The following NFIX variants were observed in gnomAD, a reference collection of about 807,000 sequenced individuals.
The protein encoded by NFIX is nuclear factor I X.
In NFIX, 2 loss-of-function variants were observed where a neutral mutation model predicts 53.3. The ratio of observed to expected loss-of-function variants is 0.04; its 90% CI spans 0.02 to 0.12. The LOEUF (loss-of-function observed/expected upper bound fraction) is 0.12, where lower values mean the gene tolerates loss of function less well. Ranked by LOEUF, NFIX falls within the 10% of genes least tolerant of loss-of-function variation. The probability of loss-of-function intolerance (pLI) is 1.00; values close to 1 mark genes in which losing one functional copy is unlikely to be tolerated. For synonymous variants in NFIX, 244 were observed against 289.0 expected (o/e 0.84, Z 1.58); for missense variants, 310 against 674.5 (o/e 0.46, Z 5.99).
At chr19:13,032,141 G>A (rs2013864242) in intron 2 of NFIX, among the ~76,000 whole-genome samples, 1 of 152,180 alleles carries the variant, frequency 6.6e-6, no homozygotes, top group South Asian at 2.1e-4. Flanking sequence ...GGGGAGGGGG[G>A]CAGGAGAGAA....
chr19:13,086,900 C>A (rs1021220448), intron 8 of NFIX, among the ~76,000 whole-genome samples: 10 of 152,250 alleles, frequency 6.6e-5, no homozygotes, highest in Non-Finnish European at 1.5e-5. Context: ...GGATGGGCTC[C>A]TCAGGGCTTG....
In NFIX at chr19:13,011,794, C is replaced by T. The variant is rs1222054367; in HGVS notation, c.28-13227C>T. 2.6e-5 allele frequency among the ~76,000 whole-genome samples: 4 copies of T among 152,162 alleles called. No individual in the cohort carries two copies. Among genetic ancestry groups the T allele is most frequent in the African/African-American group, 7.2e-5 (3 of 41,422 alleles). On this transcript the variant is annotated intron_variant, in intron 1 of 10. Transcript: ENST00000592199. This position sits in a 1 kb window ranked among gnomAD's most constrained non-coding sequence, Gnocchi z 6.5. ...GCGCCCCTCGACAGGTGCCCGTCGC[C>T]CACAGGCTCCTTTCATTGTAGCCTC...
At position 13,094,791 on chromosome 19, in the gene NFIX, C is replaced by T; in HGVS notation, c.*142C>T. 3 of 870,914 alleles carry T rather than the reference C, an allele frequency of 3.4e-6. No individual in the cohort carries two copies. The highest frequency in any genetic ancestry group is 5.3e-6 in the Non-Finnish European group (3 of 565,956). The allele number at this position is 870,914 out of a possible 1,614,324, so 53.9% of individuals were successfully genotyped here. A position where few individuals can be genotyped will look rare whatever the true frequency, so the allele number is the denominator to read the frequency against. On this transcript the variant is annotated 3_prime_UTR_variant, in exon 11 of 11. Transcript: ENST00000592199. The surrounding 1 kb of genome is among the most constrained non-coding windows in gnomAD (Gnocchi z 4.3). ...ATTACACGTCGTCAGCCACTCAGCC[C>T]TTCTCTCCTCCAGCCCGGGGACCCC...
intron 1 of NFIX, chr19:13,023,934 T>TC: frequency 2.0e-6 from 1 of 495,978 alleles, no homozygotes; most frequent in Non-Finnish European, 3.6e-6. Context: ...CCCCTGCTCC[T>TC]CCTCCTCCCC....
At position 13,043,178 on chromosome 19, in the gene NFIX, A is replaced by G. The variant is rs1191388837; in HGVS notation, c.559+17626A>G. Among the ~76,000 whole-genome samples the G allele has an allele frequency of 1.3e-5, 2 of 152,248 alleles. No individual in the cohort carries two copies. The highest frequency in any genetic ancestry group is 2.9e-5 in the Non-Finnish European group (2 of 68,042). On this transcript the variant is annotated intron_variant, in intron 2 of 10. Transcript: ENST00000592199. This position sits in a 1 kb window ranked among gnomAD's most constrained non-coding sequence, Gnocchi z 4.0. ...ATGGACACATGGTGTTACCCAGTGT[A>G]AAAGCTAATCATGGACATCAGCCCA...
In NFIX at chr19:13,088,147, G is replaced by A. The variant is rs1398189349; in HGVS notation, c.1402+11G>A. 27 of 1,536,300 alleles carry A rather than the reference G, an allele frequency of 1.8e-5. 1 individual carries two copies. Among genetic ancestry groups the A allele is most frequent in the South Asian group, 3.6e-5 (3 of 84,070 alleles). On this transcript the variant is annotated intron_variant, in intron 9 of 10. Coordinates refer to ENST00000592199, the MANE Select transcript of NFIX (RefSeq NM_001365902.3). The surrounding 1 kb of genome is among the most constrained non-coding windows in gnomAD (Gnocchi z 5.9). ...CTCCTCCATCACCTTGTAAGTGGAC[G>A]ATGAAACCGAAACCACAACGCCCAG... is the stretch of plus-strand genomic sequence containing the variant.
chr19:13,028,294 A>G lies in NFIX; in HGVS notation c.559+2742A>G, dbSNP rs2013528928. ...GGCCGGGATGGCACAGGCTCAGACA[A>G]GAGCTGCTTTGGACTCTGAAATAAG... On this transcript the variant is annotated intron_variant, in intron 2 of 10. Transcript: ENST00000592199. The surrounding 1 kb of genome is among the most constrained non-coding windows in gnomAD (Gnocchi z 4.2). Among the ~76,000 whole-genome samples, 1 of 152,236 alleles carries G rather than the reference A, an allele frequency of 6.6e-6. No individual in the cohort carries two copies. The highest frequency in any genetic ancestry group is 1.5e-5 in the Non-Finnish European group (1 of 68,042).
Position 13,098,084 on chromosome 19 carries a change from G to T in NFIX, c.*3435G>T. On this transcript the variant is annotated 3_prime_UTR_variant, in exon 11 of 11. Coordinates refer to ENST00000592199, the MANE Select transcript of NFIX (RefSeq NM_001365902.3). ...CCTTGTTCTCACCCCCGTGCTGGCGGAGCGGACGCCGCGCTCTGGGTCCCA... is the reference window on the plus strand; with the variant it reads ...CCTTGTTCTCACCCCCGTGCTGGCGTAGCGGACGCCGCGCTCTGGGTCCCA... The T allele has an allele frequency of 6.6e-6, 1 of 152,496 alleles. No individual in the cohort carries two copies. The highest frequency in any genetic ancestry group is 1.5e-5 in the Non-Finnish European group (1 of 68,278). The allele number at this position is 152,496 out of a possible 1,614,324, so 9.4% of individuals were successfully genotyped here. A position where few individuals can be genotyped will look rare whatever the true frequency, so the allele number is the denominator to read the frequency against.
At chr19:13,017,978 G>A (rs1484672872) in intron 1 of NFIX, among the ~76,000 whole-genome samples, 5 of 152,152 alleles carry the variant, frequency 3.3e-5, no homozygotes, top group African/African-American at 7.2e-5. Context: ...CACGCACTTC[G>A]GAAGGTTTCA....
rs1394026633 is a variant in NFIX, at chr19:13,067,331, C to T, written c.560-5716C>T. On this transcript the variant is annotated intron_variant, in intron 2 of 10. Coordinates refer to ENST00000592199, the MANE Select transcript of NFIX (RefSeq NM_001365902.3). The surrounding 1 kb of genome is among the most constrained non-coding windows in gnomAD (Gnocchi z 4.2). ...GCAGGCACACCCCAAGGGCTGTTCT[C>T]CCCGTTTCCAAAGGCCAGCGGTTCC... 6.6e-6 allele frequency among the ~76,000 whole-genome samples: 1 copy of T among 152,208 alleles called. No individual in the cohort carries two copies. Among genetic ancestry groups the T allele is most frequent in the Non-Finnish European group, 1.5e-5 (1 of 68,032 alleles).
At position 13,094,364 on chromosome 19, in the gene NFIX, G is replaced by T. The variant is rs1423004063; in HGVS notation, c.1495-271G>T. 7.9e-5 allele frequency among the ~76,000 whole-genome samples: 12 copies of T among 152,206 alleles called. No homozygotes were observed. The highest frequency in any genetic ancestry group is 7.9e-4 in the Admixed American group (12 of 15,286). On this transcript the variant is annotated intron_variant, in intron 10 of 10. Transcript: ENST00000592199. This position sits in a 1 kb window ranked among gnomAD's most constrained non-coding sequence, Gnocchi z 4.3. ...GCCTGTGCCAGCGCCAGCCATGGGG[G>T]TCCCACCCGCTGGGCACAGTGCCCA...
Position 13,009,119 on chromosome 19 carries a change from C to G in NFIX, c.27+13255C>G, listed in dbSNP as rs1230226412. Among the ~76,000 whole-genome samples, 2 of 152,206 alleles carry G rather than the reference C, an allele frequency of 1.3e-5. No homozygotes were observed. Among genetic ancestry groups the G allele is most frequent in the Admixed American group, 1.3e-4 (2 of 15,286 alleles). ...GCCTGTCACAAGCACCGCCGCACAC[C>G]GGCACAATCTGTCGTCCACGCACAG... On this transcript the variant is annotated intron_variant, in intron 1 of 10. Transcript: ENST00000592199. The surrounding 1 kb of genome is among the most constrained non-coding windows in gnomAD (Gnocchi z 4.7).
In NFIX at chr19:13,047,174, A is replaced by G. The variant is rs541607297; in HGVS notation, c.559+21622A>G. Among the ~76,000 whole-genome samples, 16 of 151,566 alleles carry G rather than the reference A, an allele frequency of 1.1e-4. No homozygotes were observed. The South Asian group carries it at 3.1e-3, about 30-fold the overall frequency. On this transcript the variant is annotated intron_variant, in intron 2 of 10. Coordinates refer to ENST00000592199, the MANE Select transcript of NFIX (RefSeq NM_001365902.3). ...GTCTTCCACCGTGAATGGGAAACCC[A>G]TTTCTCCCTGGAGACAGGTTCCTCT...
intron 2 of NFIX, among the ~76,000 whole-genome samples, chr19:13,044,113 C>G (rs1052729497): frequency 6.6e-6 from 1 of 152,224 alleles, no homozygotes; most frequent in Non-Finnish European, 1.5e-5. Flanking sequence ...CAGAACCTGA[C>G]TGTCCTCAGG....
chr19:13,042,342 A>G (rs2014691660), intron 2 of NFIX, among the ~76,000 whole-genome samples: 2 of 139,240 alleles, frequency 1.4e-5, no homozygotes, highest in South Asian at 2.3e-4. Flanking sequence ...AAATAAAAAC[A>G]TGCTTTTACA....
At chr19:13,061,795 T>C (rs553734815) in intron 2 of NFIX, among the ~76,000 whole-genome samples, 1 of 152,238 alleles carries the variant, frequency 6.6e-6, no homozygotes, top group South Asian at 2.1e-4. Flanking sequence ...AGTTAAAATA[T>C]GTTAAAAAAA....
In NFIX at chr19:13,021,570, G is replaced by A. The variant is rs2012954263; in HGVS notation, c.28-3451G>A. On this transcript the variant is annotated intron_variant, in intron 1 of 10. Coordinates refer to ENST00000592199, the MANE Select transcript of NFIX (RefSeq NM_001365902.3). This position sits in a 1 kb window ranked among gnomAD's most constrained non-coding sequence, Gnocchi z 4.2. ...CGTCGCCAGCTGAGGACTGAGCCTC[G>A]CTGAGGGAGAGGGCGGCTGTAGGGA... Among the ~76,000 whole-genome samples, 1 of 152,200 alleles carries A rather than the reference G, an allele frequency of 6.6e-6. No homozygotes were observed. The highest frequency in any genetic ancestry group is 1.5e-5 in the Non-Finnish European group (1 of 68,036).
At chr19:13,070,007 C>T (rs2016677359) in intron 2 of NFIX, 1 of 152,252 alleles carries the variant, frequency 6.6e-6, no homozygotes, top group Non-Finnish European at 1.5e-5. Context: ...TGCTCTGCAG[C>T]TCCTGTCACC....
rs915116679 is a variant in NFIX, at chr19:13,021,595, A to G, written c.28-3426A>G. ...GCTGAGGGAGAGGGCGGCTGTAGGGATGGGGTTCTGAGTGGAATTGGATCC... is the reference window on the plus strand; with the variant it reads ...GCTGAGGGAGAGGGCGGCTGTAGGGGTGGGGTTCTGAGTGGAATTGGATCC... On this transcript the variant is annotated intron_variant, in intron 1 of 10. Coordinates refer to ENST00000592199, the MANE Select transcript of NFIX (RefSeq NM_001365902.3). The surrounding 1 kb of genome is among the most constrained non-coding windows in gnomAD (Gnocchi z 4.2). Among the ~76,000 whole-genome samples the G allele has an allele frequency of 2.0e-5, 3 of 152,106 alleles. No individual in the cohort carries two copies. Among genetic ancestry groups the G allele is most frequent in the Non-Finnish European group, 4.4e-5 (3 of 68,014 alleles).
Sources: allele counts gnomAD v4.1 joint callset (sites outside exome capture counted in the v4.1 genomes callset), GRCh38; gene constraint gnomAD v4.1.1; non-coding constraint Gnocchi (gnomAD v3.1); transcripts MANE v1.5; gene names NCBI Gene and HGNC (gene_info 2026-07-23, HGNC 2026-07-21).